MLLT3: variants seen among roughly 807,000 people sequenced by gnomAD.
MLLT3 encodes MLLT3 super elongation complex subunit.
MLLT3 carries 4 observed loss-of-function variants against 53.2 expected under a neutral mutation model. That is an observed-to-expected ratio of 0.08 (90% CI 0.04 to 0.17). The LOEUF (loss-of-function observed/expected upper bound fraction) is 0.17. MLLT3 is among the 10% of genes least tolerant of loss of function. The pLI is 1.00. For missense variants in MLLT3, 569 were observed against 684.0 expected (o/e 0.83, Z 1.87); for synonymous variants, 283 against 230.6 (o/e 1.23, Z -2.06).
intron 2 of MLLT3, among the ~76,000 whole-genome samples, chr9:20,465,488 AG>A (rs1271603928): frequency 2.6e-5 from 2 of 77,138 alleles, no homozygotes; most frequent in Non-Finnish European, 5.1e-5. Flanking sequence ...TACACACAAC[AG>A]TTATCAATTG....
rs545301718 is a variant in MLLT3 at position 20,380,496 on chromosome 9, T to C, written c.1126-14752A>G. Among the ~76,000 whole-genome samples the C allele has an allele frequency of 2.2e-3, 330 of 152,178 alleles. No homozygotes were observed. In the Middle Eastern group the frequency reaches 0.027, roughly 13 times the overall value. Reference sequence around the variant, plus strand: ...ATAAAACAGGAGCAATTCCTACTTGTGGAATCATTATTCAGGAATTATTAT... The same window carrying C: ...ATAAAACAGGAGCAATTCCTACTTGCGGAATCATTATTCAGGAATTATTAT... On this transcript the variant is annotated intron_variant, in intron 5 of 10. Transcript: ENST00000380338.
At chr9:20,599,508 G>T (rs1820362891) in intron 2 of MLLT3, among the ~76,000 whole-genome samples, 1 of 148,798 alleles carries the variant, frequency 6.7e-6, no homozygotes, top group Admixed American at 6.7e-5. Context: ...TCTCCCCATT[G>T]TCCATGGTAA....
chr9:20,466,386 T>C (rs565099105), intron 2 of MLLT3, among the ~76,000 whole-genome samples: 18 of 152,328 alleles, frequency 1.2e-4, no homozygotes, highest in Admixed American at 3.3e-4. Context: ...AAAAAAGCCA[T>C]GGCTAAAACA....
chr9:20,451,657 T>C (rs1267177201), intron 3 of MLLT3, among the ~76,000 whole-genome samples: 1 of 152,168 alleles, frequency 6.6e-6, no homozygotes, highest in Non-Finnish European at 1.5e-5. Context: ...TCTTCAAAGT[T>C]CAAATGAGAA....
chr9:20,447,690 G>C (rs752949138), intron 4 of MLLT3, among the ~76,000 whole-genome samples: 2 of 152,146 alleles, frequency 1.3e-5, no homozygotes, highest in Non-Finnish European at 2.9e-5. Context: ...TGTAGTATGA[G>C]TGAAGATACC....
chr9:20,423,664 A>AT (rs2118798707), intron 4 of MLLT3, among the ~76,000 whole-genome samples: 1 of 151,612 alleles, frequency 6.6e-6, no homozygotes, highest in East Asian at 2.0e-4. Context: ...AAAAAAAAAA[A>AT]TTAGCCAGGC....
chr9:20,495,116 C>T (rs1301956615), intron 2 of MLLT3, among the ~76,000 whole-genome samples: 1 of 152,094 alleles, frequency 6.6e-6, no homozygotes, highest in Non-Finnish European at 1.5e-5. Flanking sequence ...ATCTTTTTGC[C>T]CTCAAGAGAA....
At chr9:20,545,581 C>A (rs1434452114) in intron 2 of MLLT3, among the ~76,000 whole-genome samples, 1 of 151,898 alleles carries the variant, frequency 6.6e-6, no homozygotes, top group Non-Finnish European at 1.5e-5. Context: ...TTTTTTGCCA[C>A]AATAAAAACA....
At chr9:20,409,175 T>C (rs1338100103) in intron 5 of MLLT3, among the ~76,000 whole-genome samples, 1 of 152,164 alleles carries the variant, frequency 6.6e-6, no homozygotes, top group African/African-American at 2.4e-5. Flanking sequence ...AAAATTATGA[T>C]TAAATCCTCA....
At chr9:20,437,164 A>G (rs1823427198) in intron 4 of MLLT3, among the ~76,000 whole-genome samples, 1 of 152,152 alleles carries the variant, frequency 6.6e-6, no homozygotes, top group Non-Finnish European at 1.5e-5. Flanking sequence ...GCAGTGAGAA[A>G]GTTACTACAC....
intron 2 of MLLT3, among the ~76,000 whole-genome samples, chr9:20,609,025 G>A (rs534364081): frequency 4.8e-4 from 73 of 152,118 alleles, no homozygotes; most frequent in African/African-American, 1.8e-3. Flanking sequence ...AATCAATGAT[G>A]TTAACCTAAA....
rs1820847874 is a variant in MLLT3, at chr9:20,345,666, G to A, written c.*777C>T. 9.3e-6 allele frequency: 2 copies of A among 214,976 alleles called. No homozygotes were observed. Among genetic ancestry groups the A allele is most frequent in the Middle Eastern group, 1.5e-3 (1 of 678 alleles). 13.3% of individuals were successfully genotyped at this position (214,976 alleles called of 1,614,324 possible). ...CCTACAAGTTTATTGACTAAGGCTA[G>A]ACAGCAATTCATATGATCCTATTTG... On this transcript the variant is annotated 3_prime_UTR_variant, in exon 11 of 11. Coordinates refer to ENST00000380338, the MANE Select transcript of MLLT3 (RefSeq NM_004529.4).
At chr9:20,614,700 C>T (rs1820781515) in intron 2 of MLLT3, among the ~76,000 whole-genome samples, 1 of 152,078 alleles carries the variant, frequency 6.6e-6, no homozygotes, top group Admixed American at 6.5e-5. Context: ...AAAAGCTACA[C>T]CACAAAATTG....
At chr9:20,457,731 T>C (rs1334285330) in intron 2 of MLLT3, among the ~76,000 whole-genome samples, 2 of 152,158 alleles carry the variant, frequency 1.3e-5, no homozygotes, top group Admixed American at 1.3e-4. Flanking sequence ...CAATAAGGCT[T>C]TTATTTCTCA....
At chr9:20,446,160 C>T (rs1357543715) in intron 4 of MLLT3, among the ~76,000 whole-genome samples, 1 of 152,080 alleles carries the variant, frequency 6.6e-6, no homozygotes, top group Admixed American at 6.5e-5. Flanking sequence ...TATTTTACTA[C>T]AAAATTCACT....
At chr9:20,453,423 C>G (rs578262552) in intron 3 of MLLT3, among the ~76,000 whole-genome samples, 1 of 151,954 alleles carries the variant, frequency 6.6e-6, no homozygotes, top group African/African-American at 2.4e-5. Context: ...TAGCCGGGTC[C>G]GTGGTGGTGC....
intron 2 of MLLT3, among the ~76,000 whole-genome samples, chr9:20,458,065 G>T (rs1282672167): frequency 6.6e-6 from 1 of 152,030 alleles, no homozygotes; most frequent in Non-Finnish European, 1.5e-5. Flanking sequence ...CCAGTGCCTG[G>T]TCCTCCTTCT....
intron 5 of MLLT3, among the ~76,000 whole-genome samples, chr9:20,387,058 A>G (rs142476178): frequency 6.3e-4 from 96 of 152,354 alleles, no homozygotes; most frequent in African/African-American, 2.0e-3. Context: ...AGATGAGGAC[A>G]GAAAATACGT....
At chr9:20,362,279 T>C (rs546265328) in intron 7 of MLLT3, among the ~76,000 whole-genome samples, 3 of 152,164 alleles carry the variant, frequency 2.0e-5, no homozygotes, top group Non-Finnish European at 4.4e-5. Context: ...GGGCAACAAC[T>C]AATCACAGAA....
Sources: gnomAD v4.1 joint callset for allele counts (sites outside exome capture counted in the v4.1 genomes callset) on GRCh38, gnomAD v4.1.1 for gene constraint, MANE v1.5 for transcripts, NCBI Gene and HGNC (gene_info 2026-07-23, HGNC 2026-07-21) for gene names.